The following GRIP1 variants were observed in gnomAD, a reference collection of about 807,000 sequenced individuals.
The protein encoded by GRIP1 is glutamate receptor-interacting protein 1.
GRIP1 carries 45 observed loss-of-function variants against 129.9 expected under a neutral mutation model. That is an observed-to-expected ratio of 0.35 (90% CI 0.27 to 0.44). The LOEUF is 0.44. GRIP1 is among the 20% of genes least tolerant of loss of function. The pLI is 1.00. For synonymous variants in GRIP1, 530 were observed against 520.8 expected (o/e 1.02, Z -0.24); for missense variants, 1,196 against 1,396.8 (o/e 0.86, Z 2.29).
At chr12:66,538,784 G>T (rs753588145) in intron 4 of GRIP1, among the ~76,000 whole-genome samples, 5 of 151,420 alleles carry the variant, frequency 3.3e-5, no homozygotes, top group Non-Finnish European at 7.4e-5. Flanking sequence ...TCTATTTTTT[G>T]TAGAGGTGGG....
At chr12:66,539,722 A>T (rs1288937447) in intron 3 of GRIP1, among the ~76,000 whole-genome samples, 1 of 152,036 alleles carries the variant, frequency 6.6e-6, no homozygotes, top group Admixed American at 6.5e-5. Flanking sequence ...TTTGTCCAGG[A>T]CTAAGGAAAG....
rs112284216 is a variant in GRIP1 at position 66,769,225 on chromosome 12, AT to A, written c.-420+34827del. ...TGTACGAATCTTTCTCCAAATGGAAATTTTTTTTTTTTTTTTTACTTTAGCC... is the reference window on the plus strand; with the variant it reads ...TGTACGAATCTTTCTCCAAATGGAAATTTTTTTTTTTTTTTTACTTTAGCC... On this transcript the variant is annotated intron_variant, in intron 1 of 4. Transcript: ENST00000538373. Among the ~76,000 whole-genome samples the A allele has an allele frequency of 6.0e-3, 874 of 144,592 alleles. 1 individual carries two copies. Among genetic ancestry groups the A allele is most frequent in the African/African-American group, 0.013 (501 of 39,176 alleles). 94.9% of individuals were successfully genotyped at this position (144,592 alleles called of 152,430 possible).
intron 11 of GRIP1, among the ~76,000 whole-genome samples, chr12:66,447,449 G>A (rs1277656591): frequency 6.6e-6 from 1 of 152,114 alleles, no homozygotes; most frequent in African/African-American, 2.4e-5. Context: ...TGTCTCAAAT[G>A]TTTCTACCCT....
intron 7 of GRIP1, among the ~76,000 whole-genome samples, chr12:66,515,135 T>G (rs1233709682): frequency 6.6e-6 from 1 of 152,162 alleles, no homozygotes; most frequent in Non-Finnish European, 1.5e-5. Context: ...ATACTACATC[T>G]CCTTTATTTT....
intron 1 of GRIP1, among the ~76,000 whole-genome samples, chr12:67,039,664 C>T (rs1244571085): frequency 6.6e-6 from 1 of 152,118 alleles, no homozygotes; most frequent in South Asian, 2.1e-4. Context: ...ATAAAGACAC[C>T]TACTCAGAAC....
intron 19 of GRIP1, among the ~76,000 whole-genome samples, chr12:66,388,310 A>C (rs1308561744): frequency 2.0e-5 from 3 of 152,220 alleles, no homozygotes; most frequent in Non-Finnish European, 4.4e-5. Context: ...ATCTGGATGA[A>C]ATAATTTCAT....
At chr12:66,697,558 G>A (rs2035205667) in intron 1 of GRIP1, among the ~76,000 whole-genome samples, 1 of 152,138 alleles carries the variant, frequency 6.6e-6, no homozygotes, top group African/African-American at 2.4e-5. Context: ...AGACTCACTT[G>A]GGGCTCAATT....
chr12:66,613,075 C>A (rs2064878484), intron 1 of GRIP1, among the ~76,000 whole-genome samples: 1 of 152,112 alleles, frequency 6.6e-6, no homozygotes, highest in East Asian at 1.9e-4. Flanking sequence ...CCTAAATACA[C>A]AAGAAACCTA....
At chr12:66,836,505 T>A (rs748292651) in intron 1 of GRIP1, among the ~76,000 whole-genome samples, 10 of 152,282 alleles carry the variant, frequency 6.6e-5, no homozygotes, top group South Asian at 6.2e-4. Flanking sequence ...ACTAAAAGAA[T>A]TCCCCCAACC....
chr12:66,425,282 C>T (rs1218583970), intron 14 of GRIP1, among the ~76,000 whole-genome samples: 1 of 152,136 alleles, frequency 6.6e-6, no homozygotes, highest in Non-Finnish European at 1.5e-5. Context: ...GATACCATCT[C>T]ACACCAGTTA....
chr12:66,934,032 TTCATATTC>T (rs1229621619), intron 1 of GRIP1, among the ~76,000 whole-genome samples: 23 of 152,220 alleles, frequency 1.5e-4, no homozygotes, highest in Non-Finnish European at 2.6e-4. Context: ...TCTCTCACAA[TTCATATTC>T]CCACAAGAGC....
intron 1 of GRIP1, among the ~76,000 whole-genome samples, chr12:66,972,767 T>C (rs2042092781): frequency 6.6e-6 from 1 of 152,196 alleles, no homozygotes; most frequent in Non-Finnish European, 1.5e-5. Context: ...TTCTTACTAA[T>C]GCATTCTAAT....
intron 1 of GRIP1, among the ~76,000 whole-genome samples, chr12:66,974,616 A>G (rs2042125491): frequency 6.6e-6 from 1 of 152,222 alleles, no homozygotes; most frequent in Admixed American, 6.5e-5. Flanking sequence ...ATTTTTAAAT[A>G]AGATATAAAA....
At chr12:66,778,017 C>T (rs921380700) in intron 1 of GRIP1, among the ~76,000 whole-genome samples, 2 of 152,014 alleles carry the variant, frequency 1.3e-5, no homozygotes, top group African/African-American at 2.4e-5. Context: ...AAAATACACA[C>T]CAAATTTTGA....
At chr12:66,979,252 A>AAAAAAAAAAAAAAAAAAAAC (rs772753895) in intron 1 of GRIP1, among the ~76,000 whole-genome samples, 5 of 110,160 alleles carry the variant, frequency 4.5e-5, no homozygotes, top group South Asian at 3.0e-4. Context: ...AAAAAAAAAA[A>AAAAAAAAAAAAAAAAAAAAC]AACAAGCCCG....
rs147784774 is a variant in GRIP1 at position 66,900,638 on chromosome 12, A to G, written c.58+168412T>C. 3.9e-5 allele frequency among the ~76,000 whole-genome samples: 6 copies of G among 152,330 alleles called. No homozygotes were observed. The East Asian group carries it at 1.2e-3, about 29-fold the overall frequency. The stretch of plus-strand genomic sequence containing the variant: ...TATCTGCAAGGCCTAAGGTGGCTAT[A>G]GTGCTTCAGATATTACATTTCAGGC... On this transcript the variant is annotated intron_variant, in intron 1 of 1. Transcript: ENST00000643019.
At chr12:67,043,737 C>CA (rs964696986) in intron 1 of GRIP1, among the ~76,000 whole-genome samples, 35 of 152,178 alleles carry the variant, frequency 2.3e-4, no homozygotes, top group Middle Eastern at 3.4e-3. Context: ...CCATAATCCA[C>CA]AAAAAAGTTT....
chr12:66,704,028 T>C (rs567109159), intron 1 of GRIP1, among the ~76,000 whole-genome samples: 33 of 152,078 alleles, frequency 2.2e-4, no homozygotes, highest in African/African-American at 7.7e-4. Context: ...TAAAAAAGAA[T>C]AGATAGACCT....
chr12:66,526,261 C>T (rs1428373567), intron 5 of GRIP1, among the ~76,000 whole-genome samples: 2 of 151,684 alleles, frequency 1.3e-5, no homozygotes, highest in African/African-American at 4.8e-5. Flanking sequence ...AGGCATCAAG[C>T]TACCTGACTT....
Sources: allele counts gnomAD v4.1 joint callset (sites outside exome capture counted in the v4.1 genomes callset), GRCh38; gene constraint gnomAD v4.1.1; transcripts MANE v1.5; gene names NCBI Gene and HGNC (gene_info 2026-07-23, HGNC 2026-07-21).